Variants in CACNA1H observed in about 807,000 individuals in gnomAD.
The protein encoded by CACNA1H is voltage-dependent T-type calcium channel subunit alpha-1H.
A neutral mutation model predicts 192.5 loss-of-function variants in CACNA1H; 149 were observed. That is an observed-to-expected ratio of 0.77 (90% confidence interval 0.68 to 0.89). The LOEUF is 0.89. CACNA1H is among the 40% of genes least tolerant of loss of function. The pLI is 0.00. For synonymous variants in CACNA1H, 2,202 were observed against 1,475.2 expected, an observed-to-expected ratio of 1.49 and a Z score of -11.29; for missense variants, 4,257 against 3,423.5, an observed-to-expected ratio of 1.24 and a Z score of -6.08.
chr16:1,206,219 G>T lies in CACNA1H; in HGVS notation c.2719G>T (p.Val907Leu), dbSNP rs961982117. The T allele has an allele frequency of 6.3e-7, 1 of 1,592,808 alleles. No individual in the cohort carries two copies. Among genetic ancestry groups the T allele is most frequent in the African/African-American group, 1.3e-5 (1 of 74,460 alleles). ...GCCAGCCCTGCGGCGCCAGCTCGTG[G>T]TGCTGGTGAAGACCATGGACAACGT... ...FLPALRRQLV[V>L]LVKTMDNVAT... The change falls in exon 12 of 35, where the codon GTG becomes TTG. Residue 907 changes from valine (V) to leucine (L), a missense_variant. Coordinates refer to ENST00000348261, the MANE Select transcript of CACNA1H (RefSeq NM_021098.3).
chr16:1,200,742 C>T lies in CACNA1H; in HGVS notation c.1146C>T (p.Asp382=). The T allele has an allele frequency of 2.6e-6, 4 of 1,560,888 alleles. No individual in the cohort carries two copies. In the African/African-American group the frequency reaches 4.1e-5, roughly 16 times the overall value. The change falls in exon 8 of 35, where the codon GAC becomes GAT. Residue 382 remains aspartate, a synonymous_variant. Transcript: ENST00000348261. ...FQVITLEGWV[D]IMYYVMDAHS... is the part of the protein sequence containing the mutation. ...TGATCACGCTGGAAGGCTGGGTGGA[C>T]ATCATGTACTACGTCATGGACGCCC...
At chr16:1,198,861 CGTGGCTCTGCCCACCGTGCA>C in intron 6 of CACNA1H, 87 bp downstream of exon 6, 1 of 1,332,860 alleles carries the variant, frequency 7.5e-7, no homozygotes, top group Non-Finnish European at 1.0e-6. Context: ...CACCGCCCCA[CGTGGCTCTGCCCACCGTGCA>C]GTCACCCGCC....
In CACNA1H at chr16:1,220,865, C is replaced by T. The variant is rs1385264146; in HGVS notation, c.6933C>T (p.Pro2311=). Residue 2311 remains proline (P), a synonymous_variant, in exon 35 of 35, where the codon CCC becomes CCT. Coordinates refer to ENST00000348261, the MANE Select transcript of CACNA1H (RefSeq NM_021098.3). ...TGGAACCCCCAGAATCAGAGCCTCC[C>T]ATGCCCGTCGGTGACCCCCCAGAGA... is the stretch of plus-strand genomic sequence containing the variant. ...VPLEPPESEP[P]MPVGDPPEKR... 4.3e-6 allele frequency: 7 copies of T among 1,612,774 alleles called. No individual in the cohort carries two copies. Among genetic ancestry groups the T allele is most frequent in the Admixed American group, 3.3e-5 (2 of 60,018 alleles).
chr16:1,158,711 C>A (rs557078701), intron 2 of CACNA1H, among the ~76,000 whole-genome samples: 6 of 152,280 alleles, frequency 3.9e-5, no homozygotes, highest in African/African-American at 1.2e-4. Flanking sequence ...CTTCTGCGGC[C>A]GGGGCTGCCG....
rs777448598 is a variant in CACNA1H, at chr16:1,202,197, G to T, written c.1747G>T (p.Glu583Ter). 1 of 1,553,180 alleles carries T rather than the reference G, an allele frequency of 6.4e-7. No individual in the cohort carries two copies. The highest frequency in any genetic ancestry group is 8.7e-7 in the Non-Finnish European group (1 of 1,149,386). ...CATCTACCATGCCGACTGCCACATA[G>T]AGGGGCCGCAGGAGAGGGCCCGGGT... is the stretch of plus-strand genomic sequence containing the variant. ...HSIYHADCHI[E>*]GPQERARVAH... Residue 583 changes from glutamate to a stop codon, truncating the protein, a stop_gained, in exon 9 of 35, where the codon GAG becomes TAG. Coordinates refer to ENST00000348261, the MANE Select transcript of CACNA1H (RefSeq NM_021098.3). LOFTEE classifies it high-confidence loss of function.
rs188506278 is a variant in CACNA1H, at chr16:1,221,694, T to C, written c.*700T>C. ...AAATTCAGGTTAAATGTTGCAATAA[T>C]CTGATGCAGAAGACTCAGCTTCTCA... is the stretch of plus-strand genomic sequence containing the variant. On this transcript the variant is annotated 3_prime_UTR_variant, in exon 35 of 35. Transcript: ENST00000348261. 760 of 1,241,876 alleles carry C rather than the reference T, an allele frequency of 6.1e-4. 4 individuals carry two copies. The African/African-American group carries it at 0.011, about 18-fold the overall frequency. 76.9% of individuals were successfully genotyped at this position (1,241,876 alleles called of 1,614,324 possible). A position where few individuals can be genotyped will look rare whatever the true frequency, so the allele number is the denominator to read the frequency against.
In CACNA1H at chr16:1,204,101, G is replaced by C. The variant is rs775168730; in HGVS notation, c.2094G>C (p.Lys698Asn). 6 of 1,610,870 alleles carry C rather than the reference G, an allele frequency of 3.7e-6. No individual in the cohort carries two copies. The highest frequency in any genetic ancestry group is 5.1e-6 in the Non-Finnish European group (6 of 1,179,268). Residue 698 changes from lysine (K) to asparagine (N), a missense_variant, in exon 10 of 35, where the codon AAG becomes AAC. Lys to Asn is a moderately conservative substitution (Grantham distance 94, BLOSUM62 0). Coordinates refer to ENST00000348261, the MANE Select transcript of CACNA1H (RefSeq NM_021098.3). ...PPAGTLTCEL[K>N]SCPYCTRALE... ...CGGGCACACTGACCTGTGAGCTGAA[G>C]AGCTGCCCGTACTGCACCCGTGCCC...
rs1044010680 is a variant in CACNA1H, at chr16:1,180,819, C to T, written c.300-14153C>T. Among the ~76,000 whole-genome samples the T allele has an allele frequency of 1.3e-5, 2 of 152,158 alleles. No homozygotes were observed. Among genetic ancestry groups the T allele is most frequent in the Non-Finnish European group, 2.9e-5 (2 of 68,002 alleles). Reference sequence around the variant, plus strand: ...GACCAGAGTGAGGTCAGCCCTGGTCCACAGCCACCCCGCCCTGGACTCCCC... The same window carrying T: ...GACCAGAGTGAGGTCAGCCCTGGTCTACAGCCACCCCGCCCTGGACTCCCC... On this transcript the variant is annotated intron_variant, in intron 2 of 34. Coordinates refer to ENST00000348261, the MANE Select transcript of CACNA1H (RefSeq NM_021098.3). This position sits in a 1 kb window ranked among gnomAD's most constrained non-coding sequence, Gnocchi z 4.4.
chr16:1,211,523 A>G lies in CACNA1H; in HGVS notation c.4393A>G (p.Arg1465Gly), dbSNP rs762072176. 1.2e-6 allele frequency: 2 copies of G among 1,612,510 alleles called. No homozygotes were observed. Among genetic ancestry groups the G allele is most frequent in the South Asian group, 2.2e-5 (2 of 91,084 alleles). Reference sequence around the variant, plus strand: ...CTACTACTGCGAGGGCCCCGACACCAGGAACATCTCCACCAAGGCACAGTG... The same window carrying G: ...CTACTACTGCGAGGGCCCCGACACCGGGAACATCTCCACCAAGGCACAGTG... ...KFYYCEGPDT[R>G]NISTKAQCRA... The change falls in exon 23 of 35, where the codon AGG becomes GGG. Residue 1465 changes from arginine (R) to glycine (G), a missense_variant. Transcript: ENST00000348261.
chr16:1,178,605 C>T (rs1742318850), intron 2 of CACNA1H, among the ~76,000 whole-genome samples: 1 of 152,166 alleles, frequency 6.6e-6, no homozygotes, highest in Admixed American at 6.5e-5. Context: ...AGCCTCCAGG[C>T]TGTGGGAGAG....
At chr16:1,191,418 G>C (rs372152568) in intron 2 of CACNA1H, among the ~76,000 whole-genome samples, 6 of 85,732 alleles carry the variant, frequency 7.0e-5, no homozygotes, top group South Asian at 6.7e-4. Context: ...CAGCAGGCTG[G>C]CCTGGCTGTG....
chr16:1,164,956 A>T (rs1382977318), intron 2 of CACNA1H, among the ~76,000 whole-genome samples: 1 of 152,158 alleles, frequency 6.6e-6, no homozygotes, highest in East Asian at 1.9e-4. Context: ...CCTTGGGTGC[A>T]GCAGGTGGGG....
In CACNA1H at chr16:1,201,646, G is replaced by C. The variant is rs778049996; in HGVS notation, c.1213-17G>C. ...CTCGCTCACTCACTGCCACTTACCC[G>C]CCCGCCCCCGTCACAGGTGGGCTCC... On this transcript the variant is annotated splice_polypyrimidine_tract_variant and intron_variant, in intron 8 of 34. Transcript: ENST00000348261. The C allele has an allele frequency of 5.1e-6, 8 of 1,559,510 alleles. No homozygotes were observed. The highest frequency in any genetic ancestry group is 6.9e-6 in the Non-Finnish European group (8 of 1,151,258).
intron 11 of CACNA1H, 101 bp from the exon 12 acceptor site, chr16:1,206,003 G>C (rs1968658522): frequency 8.7e-7 from 1 of 1,146,042 alleles, no homozygotes; most frequent in Non-Finnish European, 1.2e-6. Flanking sequence ...ATGCAGCACA[G>C]GCCGCTGTGG....
At position 1,183,976 on chromosome 16, in the gene CACNA1H, C is replaced by T. The variant is rs1261675944; in HGVS notation, c.300-10996C>T. 3.3e-5 allele frequency among the ~76,000 whole-genome samples: 5 copies of T among 152,228 alleles called. No individual in the cohort carries two copies. The East Asian group carries it at 5.8e-4, about 18-fold the overall frequency. ...CCGCCTGGGGAAGGTGCGTCTGCCT[C>T]GGCAGCTGTGGCTGCCCCGGTGCTT... On this transcript the variant is annotated intron_variant, in intron 2 of 34. Coordinates refer to ENST00000348261, the MANE Select transcript of CACNA1H (RefSeq NM_021098.3).
chr16:1,165,110 A>G (rs1963625600), intron 2 of CACNA1H, among the ~76,000 whole-genome samples: 1 of 152,066 alleles, frequency 6.6e-6, no homozygotes, highest in East Asian at 1.9e-4. Context: ...AGGAGCGGAG[A>G]AGGTGCTGGC....
Position 1,200,480 on chromosome 16 carries a change from A to C in CACNA1H, c.1028A>C (p.Tyr343Ser). The C allele has an allele frequency of 6.2e-7, 1 of 1,612,158 alleles. No homozygotes were observed. Among genetic ancestry groups the C allele is most frequent in the Non-Finnish European group, 8.5e-7 (1 of 1,179,690 alleles). Reference protein sequence around the residue: ...ARNACINWNQYYNVCRSGDSN... With the variant: ...ARNACINWNQSYNVCRSGDSN... ...AACGCCTGCATCAACTGGAACCAGT[A>C]CTACAACGTGTGCCGCTCGGGTGAC... The change falls in exon 7 of 35, where the codon TAC becomes TCC. Residue 343 changes from tyrosine to serine, a missense_variant. Physicochemically the swap from Tyr to Ser is moderately radical, Grantham distance 144 (BLOSUM62 -2). Coordinates refer to ENST00000348261, the MANE Select transcript of CACNA1H (RefSeq NM_021098.3).
Position 1,203,181 on chromosome 16 carries a change from G to C in CACNA1H, c.2002+729G>C, listed in dbSNP as rs548016370. Among the ~76,000 whole-genome samples, 80 of 152,298 alleles carry C rather than the reference G, an allele frequency of 5.3e-4. 2 individuals carry two copies. The South Asian group carries it at 0.016, about 30-fold the overall frequency. On this transcript the variant is annotated intron_variant, in intron 9 of 34. Transcript: ENST00000348261. ...GCGTGCAGACGAGTGTCGGGCGCAT[G>C]CTCCTAGCCCTTGAATTGTGGGAGT...
At chr16:1,215,984 A>C (rs1376856992) in intron 30 of CACNA1H, among the ~76,000 whole-genome samples, 1 of 152,014 alleles carries the variant, frequency 6.6e-6, no homozygotes, top group Non-Finnish European at 1.5e-5. Flanking sequence ...ACATGGGCCC[A>C]GCCTCCCTGC....
Sources: allele counts gnomAD v4.1 joint callset (sites outside exome capture counted in the v4.1 genomes callset), GRCh38; gene constraint gnomAD v4.1.1; non-coding constraint Gnocchi (gnomAD v3.1); transcripts MANE v1.5; gene names NCBI Gene and HGNC (gene_info 2026-07-23, HGNC 2026-07-21).